RBFOX1: variants seen among roughly 807,000 people sequenced by gnomAD.
RBFOX1 encodes the protein RNA binding protein fox-1 homolog 1.
RBFOX1 carries 8 observed loss-of-function variants against 57.7 expected under a neutral mutation model. The ratio of observed to expected loss-of-function variants is 0.14; its 90% CI spans 0.08 to 0.25. The LOEUF (loss-of-function observed/expected upper bound fraction) is 0.25. Ranked by LOEUF, RBFOX1 falls within the 10% of genes least tolerant of loss-of-function variation. RBFOX1 has a pLI of 1.00. For missense variants in RBFOX1, 611 were observed against 548.5 expected (o/e 1.11, Z -1.14); for synonymous variants, 326 against 222.4 (o/e 1.47, Z -4.15).
At chr16:5,576,369 C>G (rs1399093276) in intron 2 of RBFOX1, among the ~76,000 whole-genome samples, 1 of 152,132 alleles carries the variant, frequency 6.6e-6, no homozygotes, top group South Asian at 2.1e-4. Context: ...CAGTCCCTCC[C>G]TACTTGTATT....
intron 15 of RBFOX1, chr16:7,710,253 T>C: frequency 1.9e-6 from 2 of 1,080,458 alleles, no homozygotes; most frequent in South Asian, 3.1e-5. Context: ...CTAGTCCACA[T>C]GAGGAATGTG....
At chr16:6,302,835 A>G (rs1219601021) in intron 1 of RBFOX1, among the ~76,000 whole-genome samples, 1 of 152,238 alleles carries the variant, frequency 6.6e-6, no homozygotes, top group Non-Finnish European at 1.5e-5. Flanking sequence ...TCATTTAGAA[A>G]AATATATTTT....
chr16:7,482,125 C>A (rs1043632383), intron 4 of RBFOX1, among the ~76,000 whole-genome samples: 1 of 152,192 alleles, frequency 6.6e-6, no homozygotes, highest in Non-Finnish European at 1.5e-5. Flanking sequence ...TCCTCCTGCT[C>A]TATAGTCATA....
chr16:5,856,585 AT>A (rs2057074334), intron 3 of RBFOX1, among the ~76,000 whole-genome samples: 1 of 74,236 alleles, frequency 1.3e-5, no homozygotes, highest in Non-Finnish European at 2.8e-5. Context: ...GTATATATAT[AT>A]ATATATATAT....
chr16:5,487,080 C>T (rs1022046071), intron 2 of RBFOX1, among the ~76,000 whole-genome samples: 1 of 152,172 alleles, frequency 6.6e-6, no homozygotes, highest in Non-Finnish European at 1.5e-5. Context: ...TTTCAGGGAT[C>T]AGTGTAGGTG....
intron 4 of RBFOX1, among the ~76,000 whole-genome samples, chr16:6,004,738 A>T (rs547016815): frequency 1.4e-4 from 21 of 152,280 alleles, no homozygotes; most frequent in Non-Finnish European, 2.9e-4. Context: ...CGGCCCTAAG[A>T]TTGTTCTAAT....
intron 4 of RBFOX1, among the ~76,000 whole-genome samples, chr16:7,162,110 C>G (rs914281666): frequency 6.6e-6 from 1 of 152,188 alleles, no homozygotes; most frequent in Non-Finnish European, 1.5e-5. Context: ...GCCAGAGAAA[C>G]CCCTCTAAGC....
At chr16:5,989,529 G>A (rs1218477796) in intron 4 of RBFOX1, among the ~76,000 whole-genome samples, 2 of 152,078 alleles carry the variant, frequency 1.3e-5, no homozygotes, top group East Asian at 3.9e-4. Flanking sequence ...GGATTTAGGG[G>A]CAAGAACCTG....
chr16:5,911,438 T>C (rs1361590010), intron 4 of RBFOX1, among the ~76,000 whole-genome samples: 1 of 152,204 alleles, frequency 6.6e-6, no homozygotes, highest in Non-Finnish European at 1.5e-5. Flanking sequence ...GGCACCATCC[T>C]AGCATTTCAC....
At chr16:7,495,107 A>G (rs1024107549) in intron 4 of RBFOX1, among the ~76,000 whole-genome samples, 3 of 152,056 alleles carry the variant, frequency 2.0e-5, no homozygotes, top group African/African-American at 7.3e-5. Context: ...AGTTAAGATA[A>G]TTGCCTCCAG....
chr16:5,434,667 A>G (rs956422198), intron 1 of RBFOX1, among the ~76,000 whole-genome samples: 2 of 151,896 alleles, frequency 1.3e-5, no homozygotes, highest in Admixed American at 1.3e-4. Flanking sequence ...TAATAACCTT[A>G]TTTCTTCGTT....
At chr16:6,435,225 G>A (rs1421842395) in intron 2 of RBFOX1, among the ~76,000 whole-genome samples, 1 of 152,080 alleles carries the variant, frequency 6.6e-6, no homozygotes, top group Non-Finnish European at 1.5e-5. Flanking sequence ...GCACCAATTA[G>A]CAAACTGTTG....
chr16:6,576,329 C>T (rs1056175910), intron 2 of RBFOX1, among the ~76,000 whole-genome samples: 1 of 152,208 alleles, frequency 6.6e-6, no homozygotes, highest in African/African-American at 2.4e-5. Flanking sequence ...CAAACACGCA[C>T]ATCTTTGGGA....
intron 2 of RBFOX1, among the ~76,000 whole-genome samples, chr16:5,565,443 T>G (rs928211916): frequency 6.6e-6 from 1 of 151,840 alleles, no homozygotes; most frequent in African/African-American, 2.4e-5. Context: ...CTGACCAACA[T>G]AGAGAAAGCC....
In RBFOX1 at chr16:6,062,944, C is replaced by G. The variant is rs536146664; in HGVS notation, c.-127+42952C>G. ...ATTTCTGTGTTACAGTCTTAAGGCA[C>G]AATTCCTTCTCCAGAAAACCCATCT... On this transcript the variant is annotated intron_variant, in intron 1 of 15. Transcript: ENST00000550418. Among the ~76,000 whole-genome samples the G allele has an allele frequency of 3.9e-5, 6 of 152,250 alleles. No individual in the cohort carries two copies. In the South Asian group the frequency reaches 1.2e-3, roughly 32 times the overall value.
intron 1 of RBFOX1, among the ~76,000 whole-genome samples, chr16:5,394,554 T>C (rs2066497573): frequency 6.8e-6 from 1 of 147,830 alleles, no homozygotes; most frequent in African/African-American, 2.6e-5. Flanking sequence ...TCTCTCTTCT[T>C]TTCTTTCTGT....
At chr16:6,780,126 T>C (rs1223989439) in intron 3 of RBFOX1, among the ~76,000 whole-genome samples, 3 of 36,394 alleles carry the variant, frequency 8.2e-5, no homozygotes, top group African/African-American at 4.9e-4. Context: ...TATTTATATA[T>C]ATATTTATAT....
rs183825545 is a variant in RBFOX1, at chr16:5,498,424, G to A, written c.258+31170G>A. ...CTCCCAAAGTGCTGGGATTACAGGCGTCTAAGAACAAAGCTTGGGGAAATT... is the reference window on the plus strand; with the variant it reads ...CTCCCAAAGTGCTGGGATTACAGGCATCTAAGAACAAAGCTTGGGGAAATT... On this transcript the variant is annotated intron_variant, in intron 2 of 2. Coordinates refer to the RBFOX1 transcript ENST00000585867. Among the ~76,000 whole-genome samples, 38 of 152,270 alleles carry A rather than the reference G, an allele frequency of 2.5e-4. No homozygotes were observed. In the Middle Eastern group the frequency reaches 0.014, roughly 55 times the overall value.
intron 2 of RBFOX1, among the ~76,000 whole-genome samples, chr16:6,567,344 C>A (rs916684885): frequency 6.6e-6 from 1 of 152,164 alleles, no homozygotes; most frequent in Non-Finnish European, 1.5e-5. Context: ...ATGGATGTTA[C>A]TCTGTGTGCT....
Sources: allele counts gnomAD v4.1 joint callset (sites outside exome capture counted in the v4.1 genomes callset), GRCh38; gene constraint gnomAD v4.1.1; transcripts MANE v1.5; gene names NCBI Gene and HGNC (gene_info 2026-07-23, HGNC 2026-07-21).